Variants in UGT2B17 observed in about 807,000 individuals in gnomAD.
UGT2B17 encodes the protein UDP glucuronosyltransferase family 2 member B17, also known as UDP-glucuronosyltransferase 2B17.
Under a neutral mutation model 48.2 loss-of-function variants are expected in UGT2B17, and 21 were observed. The observed-to-expected ratio is 0.44, with a 90% confidence interval of 0.31 to 0.63. The LOEUF is 0.63. Ranked by LOEUF, UGT2B17 falls within the 20% of genes least tolerant of loss-of-function variation. UGT2B17 has a pLI of 0.08. For missense variants in UGT2B17, 402 were observed against 696.1 expected (o/e 0.58, Z 4.75); for synonymous variants, 146 against 238.4 (o/e 0.61, Z 3.57).
chr4:68,567,946 G>C lies in UGT2B17; in HGVS notation c.539C>G (p.Thr180Arg), dbSNP rs1578172910. 1 of 1,380,928 alleles carries C rather than the reference G, an allele frequency of 7.2e-7. No homozygotes were observed. The highest frequency in any genetic ancestry group is 9.5e-7 in the Non-Finnish European group (1 of 1,055,028). 85.5% of individuals were successfully genotyped at this position (1,380,928 alleles called of 1,614,324 possible). The change falls in exon 2 of 7, where the codon ACA (threonine) becomes AGA (arginine). Residue 180 changes from threonine to arginine, a missense_variant. Thr to Arg is a moderately conservative substitution (Grantham distance 71, BLOSUM62 -1). Coordinates refer to ENST00000317746, the MANE Select transcript of UGT2B17 (RefSeq NM_001077.4). ...AAATCCTCCACCATTCTTCTCAACT[G>C]TGTAGCCAACAGAGAAGCGGAGACT... ...LYSLRFSVGY[T>R]VEKNGGGFLF...
At position 68,550,851 on chromosome 4, in the gene UGT2B17, C is replaced by T. The variant is rs145097129; in HGVS notation, c.1139G>A (p.Gly380Asp). The change falls in exon 6 of 7, where the codon GGC becomes GAC. Residue 380 changes from glycine to aspartate, a missense_variant. Coordinates refer to ENST00000317746, the MANE Select transcript of UGT2B17 (RefSeq NM_001077.4). Reference protein sequence around the residue: ...KAFITHGGTNGIYEAIYHGIP... With the variant: ...KAFITHGGTNDIYEAIYHGIP... ...CCCATGGTAGATTGCCTCATAGATG[C>T]CATTGGTTCCACCATGAGTTATAAA... is the stretch of plus-strand genomic sequence containing the variant. 4.6e-4 allele frequency: 635 copies of T among 1,375,420 alleles called. 126 individuals carry two copies. The African/African-American group carries it at 8.5e-3, about 19-fold the overall frequency. 85.2% of individuals were successfully genotyped at this position (1,375,420 alleles called of 1,614,324 possible).
chr4:68,573,218 C>T lies in UGT2B17; in HGVS notation c.-65+2733G>A, dbSNP rs1433791183. Reference sequence around the variant, plus strand: ...CATGGGGGCCAGCCTTTGGAAACCCCGTCTAGTTGTTTTGAGAGACAGGCC... The same window carrying T: ...CATGGGGGCCAGCCTTTGGAAACCCTGTCTAGTTGTTTTGAGAGACAGGCC... On this transcript the variant is annotated intron_variant, in intron 1 of 6. Coordinates refer to ENST00000317746, the MANE Select transcript of UGT2B17 (RefSeq NM_001077.4). 3.9e-5 allele frequency among the ~76,000 whole-genome samples: 5 copies of T among 127,348 alleles called. 1 individual carries two copies. The highest frequency in any genetic ancestry group is 3.4e-4 in the South Asian group (1 of 2,922). 83.5% of individuals were successfully genotyped at this position (127,348 alleles called of 152,430 possible). A position where few individuals can be genotyped will look rare whatever the true frequency, so the allele number is the denominator to read the frequency against.
At chr4:68,565,471 C>A in intron 3 of UGT2B17, 101 bp downstream of exon 3, 4 of 1,046,890 alleles carry the variant, frequency 3.8e-6, no homozygotes, top group Non-Finnish European at 5.0e-6. Flanking sequence ...TTTTTGACCT[C>A]CCATATTCCC....
At position 68,548,540 on chromosome 4, in the gene UGT2B17, C is replaced by T. The variant is rs1172628610; in HGVS notation, c.1313+2137G>A. ...TGTATACATATGTAGCAAAGCTGCA[C>T]CTTGTGCACAGATACCCTAAAACTT... On this transcript the variant is annotated intron_variant, in intron 6 of 6. Coordinates refer to ENST00000317746, the MANE Select transcript of UGT2B17 (RefSeq NM_001077.4). 4.8e-5 allele frequency among the ~76,000 whole-genome samples: 6 copies of T among 124,762 alleles called. 3 individuals are homozygous for T. The highest frequency in any genetic ancestry group is 1.5e-3 in the East Asian group (2 of 1,312). 81.8% of individuals were successfully genotyped at this position (124,762 alleles called of 152,430 possible). A position where few individuals can be genotyped will look rare whatever the true frequency, so the allele number is the denominator to read the frequency against.
intron 6 of UGT2B17, among the ~76,000 whole-genome samples, chr4:68,546,433 A>G (rs62316984): frequency 0.33 from 40,920 of 124,792 alleles, 13,231 homozygotes; most frequent in Admixed American, 0.42. Flanking sequence ...TCTCCAAATA[A>G]TAAGAGTTAT....
At chr4:68,554,302 C>T (rs544815913) in intron 4 of UGT2B17, among the ~76,000 whole-genome samples, 2 of 125,710 alleles carry the variant, frequency 1.6e-5, no homozygotes, top group Middle Eastern at 3.6e-3. Flanking sequence ...CCCCTGATAT[C>T]GCCTGTTTGG....
In UGT2B17 at chr4:68,568,070, T is replaced by G; in HGVS notation, c.415A>C (p.Arg139=). The change falls in exon 2 of 7, where the codon AGA becomes CGA. Residue 139 remains arginine, a synonymous_variant. Transcript: ENST00000317746. The part of the protein sequence containing the change: ...EDAVLNKKLM[R]KLQESKFDVL... ...TCAAATTTTGACTCTTGTAGTTTTCTCATAAGTTTCTTGTTCAAAACTGCA... is the reference window on the plus strand; with the variant it reads ...TCAAATTTTGACTCTTGTAGTTTTCGCATAAGTTTCTTGTTCAAAACTGCA... The G allele has an allele frequency of 7.2e-7, 1 of 1,383,216 alleles. No individual in the cohort carries two copies. Among genetic ancestry groups the G allele is most frequent in the Non-Finnish European group, 9.5e-7 (1 of 1,055,458 alleles). 85.7% of individuals were successfully genotyped at this position (1,383,216 alleles called of 1,614,324 possible). A position where few individuals can be genotyped will look rare whatever the true frequency, so the allele number is the denominator to read the frequency against.
Position 68,568,758 on chromosome 4 carries a change from G to A in UGT2B17, c.-64-210C>T, listed in dbSNP as rs1385915526. 3.2e-5 allele frequency among the ~76,000 whole-genome samples: 4 copies of A among 126,378 alleles called. 1 individual carries two copies. The highest frequency in any genetic ancestry group is 8.2e-5 in the African/African-American group (3 of 36,728). 82.9% of individuals were successfully genotyped at this position (126,378 alleles called of 152,430 possible). ...GCAGGTGAGAGGCTCCTGCCTGTTCGGTGCCCTTGACATAGAGAGAAGAAG... is the reference window on the plus strand; with the variant it reads ...GCAGGTGAGAGGCTCCTGCCTGTTCAGTGCCCTTGACATAGAGAGAAGAAG... On this transcript the variant is annotated intron_variant, in intron 1 of 6. Coordinates refer to ENST00000317746, the MANE Select transcript of UGT2B17 (RefSeq NM_001077.4).
chr4:68,543,024 A>T (rs375218058), intron 6 of UGT2B17, among the ~76,000 whole-genome samples: 1 of 126,508 alleles, frequency 7.9e-6, no homozygotes, highest in African/African-American at 2.7e-5. Flanking sequence ...GCAGGGCATA[A>T]CCAAACAAAA....
chr4:68,547,855 G>T (rs1374195036), intron 6 of UGT2B17, among the ~76,000 whole-genome samples: 1 of 126,692 alleles, frequency 7.9e-6, no homozygotes, highest in Non-Finnish European at 1.7e-5. Context: ...TCAGAGAAAT[G>T]CAAATCAAAA....
chr4:68,537,521 C>T lies in UGT2B17; in HGVS notation c.*104G>A, dbSNP rs745691473. On this transcript the variant is annotated 3_prime_UTR_variant, in exon 7 of 7. Transcript: ENST00000317746. ...CTTAACAGGGTAAGTTGTGAAAAGA[C>T]GTTTTGTCGCAGGAAAAAGGAAATC... 411 of 1,043,510 alleles carry T rather than the reference C, an allele frequency of 3.9e-4. 84 individuals carry two copies. Among genetic ancestry groups the T allele is most frequent in the Admixed American group, 1.8e-3 (57 of 31,894 alleles). 64.6% of individuals were successfully genotyped at this position (1,043,510 alleles called of 1,614,324 possible).
At chr4:68,546,486 G>T (rs1477534467) in intron 6 of UGT2B17, among the ~76,000 whole-genome samples, 1 of 126,294 alleles carries the variant, frequency 7.9e-6, no homozygotes, top group African/African-American at 2.7e-5. Flanking sequence ...ATGGGCAAAA[G>T]GTGGAAGCAT....
Position 68,566,577 on chromosome 4 carries a change from G to C in UGT2B17, c.725-857C>G, listed in dbSNP as rs1324545980. Among the ~76,000 whole-genome samples the C allele has an allele frequency of 1.2e-3, 147 of 126,094 alleles. 1 individual carries two copies. Among genetic ancestry groups the C allele is most frequent in the African/African-American group, 4.0e-3 (139 of 34,958 alleles). 82.7% of individuals were successfully genotyped at this position (126,094 alleles called of 152,430 possible). ...TCCCCTGCTTGCACTTCTCTCTCCT[G>C]CCACTAAGTGAGAAGATCCAAGCTT... On this transcript the variant is annotated intron_variant, in intron 2 of 6. Coordinates refer to ENST00000317746, the MANE Select transcript of UGT2B17 (RefSeq NM_001077.4).
At chr4:68,539,746 A>G (rs1451839568) in intron 6 of UGT2B17, among the ~76,000 whole-genome samples, 1 of 119,900 alleles carries the variant, frequency 8.3e-6, no homozygotes, top group Non-Finnish European at 1.7e-5. Context: ...ATGGCCCAGC[A>G]TATGGTCAAT....
rs1730893169 is a variant in UGT2B17 at position 68,550,416 on chromosome 4, A to C, written c.1313+261T>G. Reference sequence around the variant, plus strand: ...ATTTCTATTGTGTATTCTATCATTAAAAATATTTAAAATAATTATGTACAT... The same window carrying C: ...ATTTCTATTGTGTATTCTATCATTACAAATATTTAAAATAATTATGTACAT... On this transcript the variant is annotated intron_variant, in intron 6 of 6. Coordinates refer to ENST00000317746, the MANE Select transcript of UGT2B17 (RefSeq NM_001077.4). Among the ~76,000 whole-genome samples the C allele has an allele frequency of 1.6e-5, 2 of 125,516 alleles. 1 individual carries two copies. Among genetic ancestry groups the C allele is most frequent in the South Asian group, 7.3e-4 (2 of 2,750 alleles). The allele number at this position is 125,516 out of a possible 152,430, so 82.3% of individuals were successfully genotyped here.
rs1730647025 is a variant in UGT2B17 at position 68,541,088 on chromosome 4, G to A, written c.1314-3184C>T. ...TTGGTTCCATATCTTTGATATTGTA[G>A]ATAGTGCTGCAATAGACATACATGT... is the stretch of plus-strand genomic sequence containing the variant. On this transcript the variant is annotated intron_variant, in intron 6 of 6. Coordinates refer to ENST00000317746, the MANE Select transcript of UGT2B17 (RefSeq NM_001077.4). 2.4e-5 allele frequency among the ~76,000 whole-genome samples: 3 copies of A among 125,666 alleles called. 1 individual carries two copies. The highest frequency in any genetic ancestry group is 1.7e-5 in the Non-Finnish European group (1 of 59,486). The allele number at this position is 125,666 out of a possible 152,430, so 82.4% of individuals were successfully genotyped here.
chr4:68,548,277 GA>G (rs1730855417), intron 6 of UGT2B17, among the ~76,000 whole-genome samples: 1 of 125,652 alleles, frequency 8.0e-6, no homozygotes, highest in Non-Finnish European at 1.7e-5. Flanking sequence ...CCTTTGCAGG[GA>G]CATGGATGAA....
At chr4:68,542,296 T>C (rs1730676428) in intron 6 of UGT2B17, among the ~76,000 whole-genome samples, 1 of 126,564 alleles carries the variant, frequency 7.9e-6, no homozygotes, top group Admixed American at 8.1e-5. Context: ...TGACATCAGG[T>C]AGCGTGATGC....
In UGT2B17 at chr4:68,554,830, T is replaced by C. The variant is rs1343447856; in HGVS notation, c.1006-2919A>G. Among the ~76,000 whole-genome samples, 3 of 125,632 alleles carry C rather than the reference T, an allele frequency of 2.4e-5. 1 individual carries two copies. Among genetic ancestry groups the C allele is most frequent in the Non-Finnish European group, 5.1e-5 (3 of 59,380 alleles). 82.4% of individuals were successfully genotyped at this position (125,632 alleles called of 152,430 possible). On this transcript the variant is annotated intron_variant, in intron 4 of 6. Coordinates refer to ENST00000317746, the MANE Select transcript of UGT2B17 (RefSeq NM_001077.4). ...ATCAAGTATTCATACAGATTACCTATTGAAACAGGTTATCAAGAATTTGAA... is the reference window on the plus strand; with the variant it reads ...ATCAAGTATTCATACAGATTACCTACTGAAACAGGTTATCAAGAATTTGAA...
Sources: gnomAD v4.1 joint callset for allele counts (sites outside exome capture counted in the v4.1 genomes callset) on GRCh38, gnomAD v4.1.1 for gene constraint, MANE v1.5 for transcripts, NCBI Gene and HGNC (gene_info 2026-07-23, HGNC 2026-07-21) for gene names.